RERE: variants seen among roughly 807,000 people sequenced by gnomAD.
RERE encodes the protein arginine-glutamic acid dipeptide repeats protein.
A neutral mutation model predicts 146.1 loss-of-function variants in RERE; 40 were observed. The ratio of observed to expected loss-of-function variants is 0.27; its 90% CI spans 0.21 to 0.36. The LOEUF is 0.36. RERE is among the 10% of genes least tolerant of loss of function. The pLI is 1.00. For synonymous variants in RERE, 1,003 were observed against 866.0 expected (o/e 1.16, Z -2.78); for missense variants, 1,933 against 2,138.7 (o/e 0.90, Z 1.90).
At chr1:8,420,635 A>G (rs1643897685) in intron 12 of RERE, among the ~76,000 whole-genome samples, 1 of 152,264 alleles carries the variant, frequency 6.6e-6, no homozygotes, top group African/African-American at 2.4e-5. Context: ...ATGAATATTT[A>G]GCAAATGTCA....
chr1:8,572,238 A>G (rs911055452), intron 4 of RERE, among the ~76,000 whole-genome samples: 8 of 152,362 alleles, frequency 5.3e-5, no homozygotes, highest in African/African-American at 1.9e-4. Flanking sequence ...CAACATTCCC[A>G]TTACCACAAA....
intron 1 of RERE, among the ~76,000 whole-genome samples, chr1:8,738,552 C>T (rs937484): frequency 6.6e-6 from 1 of 152,086 alleles, no homozygotes. Context: ...CCATTCCCCA[C>T]CCCTCAAGGC....
At chr1:8,570,821 A>G (rs1180096415) in intron 4 of RERE, among the ~76,000 whole-genome samples, 2 of 152,234 alleles carry the variant, frequency 1.3e-5, no homozygotes, top group Non-Finnish European at 2.9e-5. Context: ...AAACAGCACA[A>G]TGACTAGAGA....
intron 4 of RERE, among the ~76,000 whole-genome samples, chr1:8,610,107 G>A (rs138601087): frequency 0.017 from 2,552 of 152,200 alleles, 27 homozygotes; most frequent in Non-Finnish European, 0.027. Flanking sequence ...CAGAACCTTC[G>A]CTGTTTTTAA....
chr1:8,438,803 T>TC (rs1335567144), intron 11 of RERE, among the ~76,000 whole-genome samples: 1 of 152,142 alleles, frequency 6.6e-6, no homozygotes, highest in Non-Finnish European at 1.5e-5. Context: ...AAGGTAATAA[T>TC]CCAACTAAGT....
At chr1:8,485,105 T>C (rs1644881465) in intron 10 of RERE, among the ~76,000 whole-genome samples, 2 of 152,162 alleles carry the variant, frequency 1.3e-5, no homozygotes, top group African/African-American at 2.4e-5. Flanking sequence ...CTTACTCCTG[T>C]AACCCCAGCA....
At chr1:8,750,568 G>C in intron 1 of RERE, 1 of 1,002,080 alleles carries the variant, frequency 1.0e-6, no homozygotes, top group African/African-American at 1.6e-5. Flanking sequence ...AGGCAAGGAA[G>C]AAGCTTATTT....
chr1:8,798,625 CT>C, intron 1 of RERE: 2 of 219,988 alleles, frequency 9.1e-6, no homozygotes, highest in Admixed American at 8.3e-5. Context: ...GATTTGACCA[CT>C]ATCCCCACAA....
intron 4 of RERE, among the ~76,000 whole-genome samples, chr1:8,578,122 G>C (rs1358661588): frequency 6.6e-6 from 1 of 152,002 alleles, no homozygotes; most frequent in Non-Finnish European, 1.5e-5. Flanking sequence ...GGGGGGAGAG[G>C]AAATCATTAA....
chr1:8,504,090 G>C (rs1361102741), intron 8 of RERE, among the ~76,000 whole-genome samples: 1 of 152,138 alleles, frequency 6.6e-6, no homozygotes, highest in African/African-American at 2.4e-5. Flanking sequence ...TAAGAAAGTA[G>C]GGAAATAAAA....
chr1:8,617,796 C>A (rs1404010254), intron 3 of RERE, among the ~76,000 whole-genome samples: 5 of 152,166 alleles, frequency 3.3e-5, no homozygotes, highest in African/African-American at 9.7e-5. Context: ...AAACTCAAAA[C>A]AATATAATGA....
intron 1 of RERE, among the ~76,000 whole-genome samples, chr1:8,807,899 T>C (rs1269961198): frequency 2.6e-5 from 4 of 152,116 alleles, no homozygotes; most frequent in Non-Finnish European, 5.9e-5. Context: ...ACTACACAAA[T>C]TTACATTGGT....
chr1:8,815,610 C>T (rs1557559858), intron 1 of RERE, among the ~76,000 whole-genome samples: 1 of 152,258 alleles, frequency 6.6e-6, no homozygotes, highest in Non-Finnish European at 1.5e-5. Flanking sequence ...TTTTGAGTGT[C>T]CTTTAGTTTC....
intron 2 of RERE, among the ~76,000 whole-genome samples, chr1:8,654,765 C>G (rs1638229843): frequency 1.3e-5 from 2 of 151,894 alleles, no homozygotes; most frequent in African/African-American, 4.8e-5. Context: ...TCCTGAATAG[C>G]TGGGACTACA....
At chr1:8,470,727 C>A (rs1234609864) in intron 10 of RERE, among the ~76,000 whole-genome samples, 1 of 150,758 alleles carries the variant, frequency 6.6e-6, no homozygotes, top group Non-Finnish European at 1.5e-5. Flanking sequence ...TCTAAAGGGG[C>A]ACTATCTTCT....
At position 8,809,174 on chromosome 1, in the gene RERE, G is replaced by A. The variant is rs571507253; in HGVS notation, c.-145+7986C>T. On this transcript the variant is annotated intron_variant, in intron 1 of 22. Coordinates refer to ENST00000400908, the MANE Select transcript of RERE (RefSeq NM_001042681.2). ...AAAAAAAAAAAAGTACTGAGGGAGA[G>A]GTTAATGGATAGAATCATGAGGAAC... is the stretch of plus-strand genomic sequence containing the variant. Among the ~76,000 whole-genome samples the A allele has an allele frequency of 2.9e-3, 378 of 132,444 alleles. 3 individuals are homozygous for A. Among genetic ancestry groups the A allele is most frequent in the African/African-American group, 0.011 (350 of 33,212 alleles). 86.9% of individuals were successfully genotyped at this position (132,444 alleles called of 152,430 possible).
chr1:8,530,598 A>G (rs547117464), intron 7 of RERE, among the ~76,000 whole-genome samples: 18 of 152,150 alleles, frequency 1.2e-4, no homozygotes, highest in Non-Finnish European at 2.4e-4. Flanking sequence ...TCAAGAGAGG[A>G]GAAGTATTCA....
At chr1:8,598,031 A>G (rs945610730) in intron 4 of RERE, among the ~76,000 whole-genome samples, 3 of 152,130 alleles carry the variant, frequency 2.0e-5, no homozygotes, top group African/African-American at 7.2e-5. Flanking sequence ...TTCCCGCCTC[A>G]TGGGGTTGGG....
At chr1:8,518,492 C>T (rs1156863685) in intron 7 of RERE, among the ~76,000 whole-genome samples, 1 of 152,158 alleles carries the variant, frequency 6.6e-6, no homozygotes, top group Non-Finnish European at 1.5e-5. Flanking sequence ...GACATGGCAT[C>T]AACAGAATGA....
Sources: allele counts gnomAD v4.1 joint callset (sites outside exome capture counted in the v4.1 genomes callset), GRCh38; gene constraint gnomAD v4.1.1; transcripts MANE v1.5; gene names NCBI Gene and HGNC (gene_info 2026-07-23, HGNC 2026-07-21).